The following DERA variants were observed in gnomAD, a reference collection of about 807,000 sequenced individuals.
The protein encoded by DERA is deoxyribose-phosphate aldolase.
DERA carries 15 observed loss-of-function variants against 41.1 expected under a neutral mutation model. The observed-to-expected ratio is 0.37, with a 90% CI of 0.24 to 0.56. DERA has a LOEUF of 0.56. Among genes scored for constraint, DERA ranks in the 20% least tolerant of loss-of-function variants. The pLI is 0.81. For missense variants in DERA, 396 were observed against 403.4 expected, an observed-to-expected ratio of 0.98 and a Z score of 0.16; for synonymous variants, 139 against 137.4, an observed-to-expected ratio of 1.01 and a Z score of -0.08.
At chr12:15,937,365 A>G (rs1565588914) in intron 1 of DERA, among the ~76,000 whole-genome samples, 1 of 152,214 alleles carries the variant, frequency 6.6e-6, no homozygotes, top group Admixed American at 6.5e-5. Flanking sequence ...ATATCATATC[A>G]TGAGGCACAG....
intron 6 of DERA, among the ~76,000 whole-genome samples, chr12:15,986,450 T>C (rs1948764843): frequency 6.6e-6 from 1 of 152,202 alleles, no homozygotes; most frequent in Non-Finnish European, 1.5e-5. Flanking sequence ...TGTAACATTT[T>C]GTATCTTCTG....
chr12:15,973,249 C>T (rs1948675793), intron 5 of DERA, among the ~76,000 whole-genome samples: 1 of 152,130 alleles, frequency 6.6e-6, no homozygotes, highest in Non-Finnish European at 1.5e-5. Context: ...TCTAGCACAC[C>T]CACTTTCACT....
rs1290492635 is a variant in DERA, at chr12:16,011,993, G to A, written c.638-20549G>A. ...CAGATAAAGAATTTTTCTAAATTAG[G>A]CAATCAAACCAAGAAAAAACACATA... On this transcript the variant is annotated intron_variant, in intron 6 of 8. Transcript: ENST00000428559. This position sits in a 1 kb window ranked among gnomAD's most constrained non-coding sequence, Gnocchi z 4.7. Among the ~76,000 whole-genome samples, 2 of 149,692 alleles carry A rather than the reference G, an allele frequency of 1.3e-5. No homozygotes were observed. Among genetic ancestry groups the A allele is most frequent in the Admixed American group, 6.6e-5 (1 of 15,194 alleles).
chr12:15,926,675 GCAGTGAGC>G (rs1948287452), intron 1 of DERA, among the ~76,000 whole-genome samples: 1 of 150,144 alleles, frequency 6.7e-6, no homozygotes, highest in African/African-American at 2.5e-5. Flanking sequence ...GGCGGAGCTT[GCAGTGAGC>G]GGAGATCCCA....
intron 1 of DERA, among the ~76,000 whole-genome samples, chr12:15,925,139 C>T (rs1948272612): frequency 6.6e-6 from 1 of 151,990 alleles, no homozygotes; most frequent in South Asian, 2.1e-4. Context: ...TACCCTCCCA[C>T]CCCCGAGCCC....
intron 6 of DERA, among the ~76,000 whole-genome samples, chr12:16,029,828 G>A (rs1423601152): frequency 6.7e-6 from 1 of 149,544 alleles, no homozygotes; most frequent in Non-Finnish European, 1.5e-5. Context: ...CCTTCTGAAG[G>A]AGTTTGGTTC....
At chr12:16,030,819 A>G (rs1391790437) in intron 6 of DERA, among the ~76,000 whole-genome samples, 1 of 152,164 alleles carries the variant, frequency 6.6e-6, no homozygotes, top group Non-Finnish European at 1.5e-5. Context: ...GCAGCTTTAG[A>G]GCAGAGTCTG....
chr12:15,949,575 C>T (rs1250114350), intron 1 of DERA, among the ~76,000 whole-genome samples: 18 of 152,146 alleles, frequency 1.2e-4, no homozygotes, highest in Admixed American at 1.2e-3. Context: ...GGGAGTGACC[C>T]GATTTTCCAG....
Position 15,957,608 on chromosome 12 carries a change from T to C in DERA, c.129+575T>C, listed in dbSNP as rs1317316894. ...TCATTTCACAAGTGAGACAGAATACTGTGATTGAATCCTTGAGAGTGATAG... is the reference window on the plus strand; with the variant it reads ...TCATTTCACAAGTGAGACAGAATACCGTGATTGAATCCTTGAGAGTGATAG... On this transcript the variant is annotated intron_variant, in intron 2 of 8. Coordinates refer to ENST00000428559, the MANE Select transcript of DERA (RefSeq NM_015954.4). The surrounding 1 kb of genome is among the most constrained non-coding windows in gnomAD (Gnocchi z 4.8). Among the ~76,000 whole-genome samples, 1 of 152,222 alleles carries C rather than the reference T, an allele frequency of 6.6e-6. No homozygotes were observed. The highest frequency in any genetic ancestry group is 1.9e-4 in the East Asian group (1 of 5,192).
At chr12:15,951,105 C>T (rs992872187) in intron 1 of DERA, among the ~76,000 whole-genome samples, 1 of 152,200 alleles carries the variant, frequency 6.6e-6, no homozygotes, top group Non-Finnish European at 1.5e-5. Context: ...GTACCTTGAG[C>T]ATGGACTAGA....
Position 15,988,256 on chromosome 12 carries a change from A to T in DERA, c.637+5820A>T, listed in dbSNP as rs1948778552. ...GGCATGTTTTAGCCCTGTTTGTGTT[A>T]CAGCTCTTTCAGTCCCGCCATTTGG... On this transcript the variant is annotated intron_variant, in intron 6 of 8. Transcript: ENST00000428559. This position sits in a 1 kb window ranked among gnomAD's most constrained non-coding sequence, Gnocchi z 6.0. 6.6e-6 allele frequency among the ~76,000 whole-genome samples: 1 copy of T among 152,182 alleles called. No homozygotes were observed. Among genetic ancestry groups the T allele is most frequent in the African/African-American group, 2.4e-5 (1 of 41,454 alleles).
Position 16,036,557 on chromosome 12 carries a change from C to A in DERA, c.901-133C>A. The A allele has an allele frequency of 1.0e-6, 1 of 1,003,180 alleles. No homozygotes were observed. 62.1% of individuals were successfully genotyped at this position (1,003,180 alleles called of 1,614,324 possible). Reference sequence around the variant, plus strand: ...AGAAGTGAGTAGGGTGGAGATTCTGCTGAAGCACATACTAGTGAGGCTTTC... The same window carrying A: ...AGAAGTGAGTAGGGTGGAGATTCTGATGAAGCACATACTAGTGAGGCTTTC... On this transcript the variant is annotated intron_variant, in intron 8 of 8. Transcript: ENST00000428559. This position sits in a 1 kb window ranked among gnomAD's most constrained non-coding sequence, Gnocchi z 4.9.
Position 16,009,186 on chromosome 12 carries a change from T to C in DERA, c.638-23356T>C, listed in dbSNP as rs1442428011. Among the ~76,000 whole-genome samples the C allele has an allele frequency of 6.6e-6, 1 of 152,216 alleles. No homozygotes were observed. Among genetic ancestry groups the C allele is most frequent in the Non-Finnish European group, 1.5e-5 (1 of 68,030 alleles). ...ATTCTGTTCCTCCTCCTTCTCTTAC[T>C]GTTGTATGGTTGTCAATCAGAATGA... On this transcript the variant is annotated intron_variant, in intron 6 of 8. Coordinates refer to ENST00000428559, the MANE Select transcript of DERA (RefSeq NM_015954.4). The surrounding 1 kb of genome is among the most constrained non-coding windows in gnomAD (Gnocchi z 5.3).
rs920535687 is a variant in DERA at position 15,984,680 on chromosome 12, A to G, written c.637+2244A>G. Among the ~76,000 whole-genome samples, 5 of 152,218 alleles carry G rather than the reference A, an allele frequency of 3.3e-5. No homozygotes were observed. Among genetic ancestry groups the G allele is most frequent in the Non-Finnish European group, 4.4e-5 (3 of 68,008 alleles). ...TTGCTTTTTCACTTGTAACATGGCT[A>G]TTTCCCAAGGCACACACTAGATTTT... On this transcript the variant is annotated intron_variant, in intron 6 of 8. Transcript: ENST00000428559. This position sits in a 1 kb window ranked among gnomAD's most constrained non-coding sequence, Gnocchi z 4.5.
chr12:16,036,261 C>T lies in DERA; in HGVS notation c.780C>T (p.Arg260=), dbSNP rs1852996225. The change falls in exon 8 of 9, where the codon CGC becomes CGT. Residue 260 remains arginine (R), a synonymous_variant. Transcript: ENST00000428559. This position sits in a 1 kb window ranked among gnomAD's most constrained non-coding sequence, Gnocchi z 4.9. ...GGTTTAAACCAGCAGGAGGCATCCGCAGTGCAAAGGATTCCCTTGCTTGGC... is the reference window on the plus strand; with the variant it reads ...GGTTTAAACCAGCAGGAGGCATCCGTAGTGCAAAGGATTCCCTTGCTTGGC... ...KIGFKPAGGI[R]SAKDSLAWLS... The T allele has an allele frequency of 6.2e-7, 1 of 1,612,496 alleles. No individual in the cohort carries two copies. The highest frequency in any genetic ancestry group is 1.3e-5 in the African/African-American group (1 of 74,836).
rs1334896247 is a variant in DERA, at chr12:15,940,880, T to C, written c.32-16056T>C. ...ATTTAGGTCATCCTGGAGTCTGATA[T>C]ATAAATAGATAGATAGATAGATATC... On this transcript the variant is annotated intron_variant, in intron 1 of 8. Transcript: ENST00000428559. This position sits in a 1 kb window ranked among gnomAD's most constrained non-coding sequence, Gnocchi z 5.1. 6.6e-6 allele frequency among the ~76,000 whole-genome samples: 1 copy of C among 152,204 alleles called. No homozygotes were observed. The highest frequency in any genetic ancestry group is 1.9e-4 in the East Asian group (1 of 5,192).
chr12:15,953,916 G>C (rs542394884), intron 1 of DERA, among the ~76,000 whole-genome samples: 6 of 152,286 alleles, frequency 3.9e-5, no homozygotes, highest in African/African-American at 1.4e-4. Flanking sequence ...AGGTCACAGA[G>C]GCAAATTTTG....
In DERA at chr12:16,014,676, G is replaced by A. The variant is rs755553940; in HGVS notation, c.638-17866G>A. On this transcript the variant is annotated intron_variant, in intron 6 of 8. Transcript: ENST00000428559. The surrounding 1 kb of genome is among the most constrained non-coding windows in gnomAD (Gnocchi z 5.4). ...AGTCTCCACACAGAGTCCCCACTGG[G>A]GCACTGCCTAGTGGAGCTGTGAGAA... Among the ~76,000 whole-genome samples, 46 of 152,196 alleles carry A rather than the reference G, an allele frequency of 3.0e-4. No homozygotes were observed. The highest frequency in any genetic ancestry group is 2.5e-4 in the Non-Finnish European group (17 of 68,034).
chr12:16,032,649 AAC>A lies in DERA; in HGVS notation c.747_748del (p.Asn249LysfsTer5). The A allele has an allele frequency of 6.5e-7, 1 of 1,539,730 alleles. No homozygotes were observed. The highest frequency in any genetic ancestry group is 1.2e-5 in the South Asian group (1 of 83,840). On this transcript the variant is annotated frameshift_variant, in exon 7 of 9. Transcript: ENST00000428559. LOFTEE classifies it high-confidence loss of function. Reference protein sequence around the residue: ...AIRDFFWKTGNKIGFKPAGGI... With the variant: ...AIRDFFWKTGXKIGFKPAGGI... ...TAGAGATTTCTTCTGGAAAACTGGA[AAC>A]AAGGTATATTATTGCCAGCAAATCT...
Sources: gnomAD v4.1 joint callset for allele counts (sites outside exome capture counted in the v4.1 genomes callset) on GRCh38, gnomAD v4.1.1 for gene constraint, Gnocchi (gnomAD v3.1) non-coding constraint, MANE v1.5 for transcripts, NCBI Gene and HGNC (gene_info 2026-07-23, HGNC 2026-07-21) for gene names.